The following NUP153 variants were observed in gnomAD, a reference collection of about 807,000 sequenced individuals.
NUP153 encodes the protein nucleoporin 153.
NUP153 carries 27 observed loss-of-function variants against 134.6 expected under a neutral mutation model. The observed-to-expected ratio is 0.20, with a 90% CI of 0.15 to 0.28. The LOEUF (loss-of-function observed/expected upper bound fraction) is 0.28. NUP153 is among the 10% of genes least tolerant of loss of function. The pLI, the probability that NUP153 is intolerant of heterozygous loss-of-function variation, is 1.00. For missense variants in NUP153, 1,821 were observed against 1,731.3 expected (o/e 1.05, Z -0.92); for synonymous variants, 640 against 623.5 (o/e 1.03, Z -0.40).
chr6:17,630,588 G>A (rs984220798), intron 17 of NUP153, among the ~76,000 whole-genome samples: 3 of 152,088 alleles, frequency 2.0e-5, no homozygotes, highest in South Asian at 2.1e-4. Context: ...GCTTGAGCCC[G>A]GGAGGTAGAA....
At chr6:17,622,921 G>A (rs992069124) in intron 20 of NUP153, among the ~76,000 whole-genome samples, 3 of 152,050 alleles carry the variant, frequency 2.0e-5, no homozygotes, top group East Asian at 1.9e-4. Flanking sequence ...ATGAGGTCAG[G>A]AGATCAAGAC....
intron 8 of NUP153, among the ~76,000 whole-genome samples, chr6:17,665,987 CT>C (rs199861173): frequency 0.027 from 3,649 of 135,992 alleles, 38 homozygotes; most frequent in African/African-American, 0.044. Flanking sequence ...ACTCACCTGG[CT>C]TTTTTTTTTT....
chr6:17,635,124 T>G (rs1765476871), intron 16 of NUP153, among the ~76,000 whole-genome samples: 1 of 120,864 alleles, frequency 8.3e-6, no homozygotes, highest in African/African-American at 2.9e-5. Flanking sequence ...TTTTTTTTTT[T>G]TTTGAGACGG....
In NUP153 at chr6:17,647,808, G is replaced by A. The variant is rs1276190388; in HGVS notation, c.1631C>T (p.Ser544Phe). 6.4e-7 allele frequency: 1 copy of A among 1,559,352 alleles called. No homozygotes were observed. The highest frequency in any genetic ancestry group is 8.8e-7 in the Non-Finnish European group (1 of 1,130,642). Residue 544 changes from serine (S) to phenylalanine (F), a missense_variant and splice_region_variant, in exon 13 of 22, where the codon TCT (serine) becomes TTT (phenylalanine). By Grantham distance (155) the Ser-to-Phe change is radical (BLOSUM62 -2). Transcript: ENST00000262077. ...STEANVLPPS[S>F]IGFTFSVPVA... ...TACTATTCCTTGCTTGTTACTTACA[G>A]ATGATGGAGGTAGTACATTTGCCTC...
intron 8 of NUP153, among the ~76,000 whole-genome samples, chr6:17,666,343 C>T (rs775545186): frequency 1.3e-5 from 2 of 151,634 alleles, no homozygotes; most frequent in Non-Finnish European, 2.9e-5. Context: ...ATGGTGAAAA[C>T]GTCTCTACTA....
At chr6:17,644,939 A>G (rs1766067535) in intron 14 of NUP153, among the ~76,000 whole-genome samples, 1 of 152,130 alleles carries the variant, frequency 6.6e-6, no homozygotes, top group Admixed American at 6.5e-5. Flanking sequence ...CAAAAAAATT[A>G]GCCAGGCGTG....
Position 17,688,512 on chromosome 6 carries a change from CTTG to C in NUP153, c.215_217del (p.Thr72del). On this transcript the variant is annotated inframe_deletion, in exon 2 of 22. Coordinates refer to ENST00000262077, the MANE Select transcript of NUP153 (RefSeq NM_005124.4). ...ATTTTCTGGCCAGCGTGGAACCTCG[CTTG>C]TGTCTGTTGAACAGCTGCATACATC... 6.2e-7 allele frequency: 1 copy of C among 1,614,136 alleles called. No individual in the cohort carries two copies. The highest frequency in any genetic ancestry group is 1.1e-5 in the South Asian group (1 of 91,076).
In NUP153 at chr6:17,675,574, A is replaced by C; in HGVS notation, c.531T>G (p.Asp177Glu). 1.2e-6 allele frequency: 2 copies of C among 1,614,064 alleles called. No homozygotes were observed. The highest frequency in any genetic ancestry group is 1.7e-6 in the Non-Finnish European group (2 of 1,179,884). ...KEIKDSTSQH[D>E]DDNISTTSGF... ...CACTGGTAGTTGAGATGTTATCATCATCATGCTGAGAGGTAGAATCTTTAA... is the reference window on the plus strand; with the variant it reads ...CACTGGTAGTTGAGATGTTATCATCCTCATGCTGAGAGGTAGAATCTTTAA... The change falls in exon 3 of 22, where the codon GAT (aspartate) becomes GAG (glutamate). Residue 177 changes from aspartate to glutamate, a missense_variant. Asp to Glu is a conservative substitution (Grantham distance 45). Coordinates refer to ENST00000262077, the MANE Select transcript of NUP153 (RefSeq NM_005124.4). This position sits in a 1 kb window ranked among gnomAD's most constrained non-coding sequence, Gnocchi z 4.4.
At chr6:17,616,447 A>C (rs942279264) in intron 21 of NUP153, 80 bp downstream of exon 21, 2 of 1,254,038 alleles carry the variant, frequency 1.6e-6, no homozygotes, top group Admixed American at 2.6e-5. Flanking sequence ...CGGAATCTTG[A>C]TGACTTTTAA....
chr6:17,645,137 A>C (rs917158309), intron 14 of NUP153, among the ~76,000 whole-genome samples: 4 of 151,842 alleles, frequency 2.6e-5, no homozygotes, highest in African/African-American at 9.7e-5. Context: ...CCTGTAATCC[A>C]AGCTACTGGC....
chr6:17,630,561 G>A (rs967389690), intron 17 of NUP153, among the ~76,000 whole-genome samples: 1 of 152,132 alleles, frequency 6.6e-6, no homozygotes, highest in Non-Finnish European at 1.5e-5. Flanking sequence ...TGCTTGAGAG[G>A]CTGAGGCAGG....
chr6:17,635,109 T>C (rs1032872152), intron 16 of NUP153, among the ~76,000 whole-genome samples: 21 of 79,826 alleles, frequency 2.6e-4, no homozygotes, highest in Non-Finnish European at 6.6e-4. Context: ...CTTATCTTTT[T>C]TTTTTTTTTT....
chr6:17,616,745 T>TTTTG (rs145609362), intron 20 of NUP153, 50 bp from the exon 21 acceptor site: 33 of 1,549,674 alleles, frequency 2.1e-5, no homozygotes, highest in East Asian at 4.5e-5. Context: ...TGATAGGTTT[T>TTTTG]TTTGTTTGTT....
rs1766448570 is a variant in NUP153, at chr6:17,650,572, T to A, written c.1396-1272A>T. Among the ~76,000 whole-genome samples the A allele has an allele frequency of 2.0e-5, 3 of 151,996 alleles. No individual in the cohort carries two copies. The South Asian group carries it at 6.2e-4, about 31-fold the overall frequency. ...TCAAATGGATGCAGTTTATTGCAAA[T>A]AAATCACAGCTCAATAAAATTGATC... On this transcript the variant is annotated intron_variant, in intron 11 of 21. Transcript: ENST00000262077.
chr6:17,698,211 A>AT (rs1337923666), intron 1 of NUP153, among the ~76,000 whole-genome samples: 2 of 152,170 alleles, frequency 1.3e-5, no homozygotes. Context: ...GACTGATTGG[A>AT]TAGGGTAAAC....
chr6:17,646,918 C>CTTTTT (rs376244443), intron 13 of NUP153, among the ~76,000 whole-genome samples: 1 of 131,114 alleles, frequency 7.6e-6, no homozygotes, highest in African/African-American at 2.8e-5. Flanking sequence ...TCTGTATTTT[C>CTTTTT]TTTTTTTTTT....
intron 1 of NUP153, among the ~76,000 whole-genome samples, chr6:17,697,323 T>C (rs1023425571): frequency 6.6e-6 from 1 of 152,214 alleles, no homozygotes; most frequent in Non-Finnish European, 1.5e-5. Flanking sequence ...ACTACATACA[T>C]ATCAGGAACA....
intron 20 of NUP153, among the ~76,000 whole-genome samples, chr6:17,622,856 C>T (rs940446466): frequency 2.0e-5 from 3 of 152,036 alleles, no homozygotes; most frequent in South Asian, 2.1e-4. Context: ...AAAGGCTGGG[C>T]GTGGTGGCTC....
intron 8 of NUP153, 84 bp downstream of exon 8, chr6:17,668,891 C>A: frequency 2.2e-6 from 2 of 921,714 alleles, no homozygotes; most frequent in East Asian, 2.7e-5. Flanking sequence ...AATGTCTAAA[C>A]TAAATCCAAT....
Sources: allele counts gnomAD v4.1 joint callset (sites outside exome capture counted in the v4.1 genomes callset), GRCh38; gene constraint gnomAD v4.1.1; non-coding constraint Gnocchi (gnomAD v3.1); transcripts MANE v1.5; gene names NCBI Gene and HGNC (gene_info 2026-07-23, HGNC 2026-07-21).